The following TSNARE1 variants were observed in gnomAD, a reference collection of about 807,000 sequenced individuals.
The protein encoded by TSNARE1 is t-SNARE domain-containing protein 1.
Under a neutral mutation model 62.0 loss-of-function variants are expected in TSNARE1, and 49 were observed. That is an observed-to-expected ratio of 0.79 (90% CI 0.63 to 1.00). The LOEUF (loss-of-function observed/expected upper bound fraction) is 1.00. Among genes scored for constraint, TSNARE1 ranks in the 50% least tolerant of loss-of-function variants. The pLI, the probability that TSNARE1 is intolerant of heterozygous loss-of-function variation, is 0.00. For missense variants in TSNARE1, 755 were observed against 700.1 expected, an observed-to-expected ratio of 1.08 and a Z score of -0.88; for synonymous variants, 328 against 294.4, an observed-to-expected ratio of 1.11 and a Z score of -1.17.
At chr8:142,333,677 G>A (rs1831364079) in intron 4 of TSNARE1, among the ~76,000 whole-genome samples, 1 of 152,170 alleles carries the variant, frequency 6.6e-6, no homozygotes, top group African/African-American at 2.4e-5. Flanking sequence ...CCATCTGGGT[G>A]CACACAGGCC....
chr8:142,339,681 G>T (rs893547547), intron 4 of TSNARE1, among the ~76,000 whole-genome samples: 1 of 152,254 alleles, frequency 6.6e-6, no homozygotes, highest in African/African-American at 2.4e-5. Context: ...CCATGAGGCA[G>T]TCGGGGAAGC....
chr8:142,241,306 A>T (rs956907470), intron 12 of TSNARE1, among the ~76,000 whole-genome samples: 3 of 152,222 alleles, frequency 2.0e-5, no homozygotes, highest in Admixed American at 2.0e-4. Flanking sequence ...CATTTAAGGA[A>T]GGGGTGAAAG....
At chr8:142,273,752 C>A in intron 12 of TSNARE1, 1 of 985,436 alleles carries the variant, frequency 1.0e-6, no homozygotes, top group African/African-American at 1.7e-5. Flanking sequence ...CAGCCCTGGC[C>A]TTTCCCTCAT....
rs1251842364 is a variant in TSNARE1, at chr8:142,319,319, C to T, written c.894-685G>A. Reference sequence around the variant, plus strand: ...CCAGCAGTCCCCACCCCCCTGCACACCTCTGAGGGGTGCACACCTCTGAGG... The same window carrying T: ...CCAGCAGTCCCCACCCCCCTGCACATCTCTGAGGGGTGCACACCTCTGAGG... On this transcript the variant is annotated intron_variant, in intron 6 of 13. Coordinates refer to ENST00000524325, the MANE Select transcript of TSNARE1 (RefSeq NM_145003.5). This position sits in a 1 kb window ranked among gnomAD's most constrained non-coding sequence, Gnocchi z 4.9. Among the ~76,000 whole-genome samples, 1 of 152,016 alleles carries T rather than the reference C, an allele frequency of 6.6e-6. No homozygotes were observed. Among genetic ancestry groups the T allele is most frequent in the Non-Finnish European group, 1.5e-5 (1 of 67,970 alleles).
intron 13 of TSNARE1, among the ~76,000 whole-genome samples, chr8:142,224,949 A>G (rs2130004322): frequency 6.6e-6 from 1 of 152,196 alleles, no homozygotes; most frequent in East Asian, 1.9e-4. Flanking sequence ...AGGCGGGGCC[A>G]GCAAATCCCT....
upstream of TSNARE1, chr8:142,403,362 C>T (rs956532732): frequency 1.3e-5 from 2 of 151,840 alleles, no homozygotes; most frequent in Non-Finnish European, 2.9e-5. Context: ...CGGCTGTCCT[C>T]ACTTGCCTGG....
chr8:142,322,360 G>A (rs1563911051), intron 6 of TSNARE1, among the ~76,000 whole-genome samples: 1 of 152,174 alleles, frequency 6.6e-6, no homozygotes, highest in African/African-American at 2.4e-5. Flanking sequence ...CGTAAGATGG[G>A]GAACAAGGCA....
chr8:142,225,948 C>G (rs978516032), intron 13 of TSNARE1, among the ~76,000 whole-genome samples: 2 of 152,144 alleles, frequency 1.3e-5, no homozygotes, highest in African/African-American at 4.8e-5. Flanking sequence ...CCAGGTGTTT[C>G]TAGGCTGGTG....
intron 11 of TSNARE1, chr8:142,279,915 C>G (rs1334777804): frequency 1.4e-5 from 15 of 1,042,380 alleles, no homozygotes; most frequent in Middle Eastern, 4.7e-4. Context: ...CAGAAAAGGT[C>G]TCTGCCACCA....
At chr8:142,399,517 G>A (rs895984124) in intron 1 of TSNARE1, among the ~76,000 whole-genome samples, 2 of 152,194 alleles carry the variant, frequency 1.3e-5, no homozygotes, top group Non-Finnish European at 2.9e-5. Context: ...AGAGGGAGAG[G>A]ATGAGGATGC....
At chr8:142,278,318 T>C (rs933713439) in intron 11 of TSNARE1, 36 of 985,398 alleles carry the variant, frequency 3.7e-5, no homozygotes, top group Non-Finnish European at 4.3e-5. Context: ...GCCCCAGCGC[T>C]CCAAGTTCTG....
intron 1 of TSNARE1, among the ~76,000 whole-genome samples, chr8:142,397,694 C>T (rs1468378665): frequency 6.6e-6 from 1 of 152,196 alleles, no homozygotes; most frequent in Non-Finnish European, 1.5e-5. Context: ...TGCTCACTGG[C>T]TTCCATGCTG....
chr8:142,241,570 G>A (rs886297227), intron 12 of TSNARE1, among the ~76,000 whole-genome samples: 6 of 152,132 alleles, frequency 3.9e-5, no homozygotes, highest in African/African-American at 1.4e-4. Flanking sequence ...GCAAACAGAT[G>A]AAAGCTGGAG....
chr8:142,278,091 C>T lies in TSNARE1; in HGVS notation c.1364-3228G>A, dbSNP rs117828454. ...GAGAGGACCCAGATCCTCCTCCAGC[C>T]CCACCCCATCAGGAGGCCCACTGAC... is the stretch of plus-strand genomic sequence containing the variant. On this transcript the variant is annotated intron_variant, in intron 11 of 13. Transcript: ENST00000524325. 3.2e-3 allele frequency: 3,114 copies of T among 985,396 alleles called. 76 individuals are homozygous for T. In the South Asian group the frequency reaches 0.074, roughly 23 times the overall value. 61.0% of individuals were successfully genotyped at this position (985,396 alleles called of 1,614,324 possible).
intron 6 of TSNARE1, among the ~76,000 whole-genome samples, chr8:142,324,796 C>T (rs1218923378): frequency 1.3e-5 from 2 of 152,238 alleles, no homozygotes; most frequent in South Asian, 2.1e-4. Flanking sequence ...GTGACACACT[C>T]GCCCTGGAAG....
chr8:142,291,040 G>A lies in TSNARE1; in HGVS notation c.1291-6555C>T, dbSNP rs1026079320. Among the ~76,000 whole-genome samples the A allele has an allele frequency of 2.6e-5, 4 of 152,072 alleles. No individual in the cohort carries two copies. Among genetic ancestry groups the A allele is most frequent in the East Asian group, 3.9e-4 (2 of 5,172 alleles). On this transcript the variant is annotated intron_variant, in intron 10 of 13. Coordinates refer to ENST00000524325, the MANE Select transcript of TSNARE1 (RefSeq NM_145003.5). The surrounding 1 kb of genome is among the most constrained non-coding windows in gnomAD (Gnocchi z 4.8). ...ACGCTGGCAGTGGACTGAAGGGCAC[G>A]CGCCTGTTCCCTCCAACCTCTCCTG...
rs539384525 is a variant in TSNARE1 at position 142,314,374 on chromosome 8, C to A, written c.1131+10G>T. ...ACAGCCACTGACCATGGTCAGTACT[C>A]GGCACCCACCTGTTTACTGCCCCTC... On this transcript the variant is annotated intron_variant, in intron 9 of 13. Transcript: ENST00000524325. 2 of 1,612,646 alleles carry A rather than the reference C, an allele frequency of 1.2e-6. No individual in the cohort carries two copies. The highest frequency in any genetic ancestry group is 3.3e-5 in the Admixed American group (2 of 59,904).
At chr8:142,382,895 G>A (rs1305727595) in intron 1 of TSNARE1, among the ~76,000 whole-genome samples, 1 of 152,214 alleles carries the variant, frequency 6.6e-6, no homozygotes, top group Admixed American at 6.5e-5. Context: ...CCAGGGTGGA[G>A]GCAGCAGGCA....
At chr8:142,402,335 GCTA>G (rs1838355086) in intron 1 of TSNARE1, among the ~76,000 whole-genome samples, 1 of 152,206 alleles carries the variant, frequency 6.6e-6, no homozygotes, top group South Asian at 2.1e-4. Flanking sequence ...GACACGTGTG[GCTA>G]CTGAGTGTCG....
Sources: gnomAD v4.1 joint callset for allele counts (sites outside exome capture counted in the v4.1 genomes callset) on GRCh38, gnomAD v4.1.1 for gene constraint, Gnocchi (gnomAD v3.1) non-coding constraint, MANE v1.5 for transcripts, NCBI Gene and HGNC (gene_info 2026-07-23, HGNC 2026-07-21) for gene names.